FGF12: variants seen among roughly 807,000 people sequenced by gnomAD.
The protein encoded by FGF12 is fibroblast growth factor 12, also known as fibroblast growth factor 12B.
In FGF12, 14 loss-of-function variants were observed where a neutral mutation model predicts 23.6. That is an observed-to-expected ratio of 0.59 (90% CI 0.39 to 0.93). The LOEUF (loss-of-function observed/expected upper bound fraction) is 0.93. FGF12 is among the 40% of genes least tolerant of loss of function. The pLI, the probability that FGF12 is intolerant of heterozygous loss-of-function variation, is 0.00. For missense variants in FGF12, 175 were observed against 217.8 expected, an observed-to-expected ratio of 0.80 and a Z score of 1.24; for synonymous variants, 62 against 77.3, an observed-to-expected ratio of 0.80 and a Z score of 1.04.
chr3:192,578,637 C>T (rs1282312820), intron 2 of FGF12, among the ~76,000 whole-genome samples: 1 of 152,104 alleles, frequency 6.6e-6, no homozygotes, highest in Non-Finnish European at 1.5e-5. Flanking sequence ...AATAGATATT[C>T]TTCTGCTATG....
At chr3:192,359,292 C>CA (rs1460543656) in intron 3 of FGF12, among the ~76,000 whole-genome samples, 1 of 152,142 alleles carries the variant, frequency 6.6e-6, no homozygotes, top group Admixed American at 6.6e-5. Flanking sequence ...TGGACAAGGG[C>CA]ATTTTCATTC....
At chr3:192,315,800 T>C (rs1716199229) in intron 4 of FGF12, among the ~76,000 whole-genome samples, 1 of 152,170 alleles carries the variant, frequency 6.6e-6, no homozygotes, top group Admixed American at 6.5e-5. Context: ...AGCAAGGCCA[T>C]AACTCTTCAG....
intron 2 of FGF12, among the ~76,000 whole-genome samples, chr3:192,542,656 A>G (rs1050603117): frequency 6.6e-6 from 1 of 151,748 alleles, no homozygotes; most frequent in Non-Finnish European, 1.5e-5. Context: ...AAGGCTTTCC[A>G]AGCATTCAAA....
intron 2 of FGF12, among the ~76,000 whole-genome samples, chr3:192,492,691 G>A (rs756760770): frequency 2.4e-4 from 37 of 152,106 alleles, no homozygotes; most frequent in Non-Finnish European, 4.3e-4. Context: ...TTTTAGATAC[G>A]TTGATTAAAA....
chr3:192,269,849 T>TC (rs372222430), intron 4 of FGF12, among the ~76,000 whole-genome samples: 3 of 152,168 alleles, frequency 2.0e-5, no homozygotes. Context: ...CTCTTTTTTT[T>TC]CTCCTTTGAA....
At chr3:192,503,608 T>G (rs1355418876) in intron 2 of FGF12, among the ~76,000 whole-genome samples, 238 of 10,632 alleles carry the variant, frequency 0.022, 2 homozygotes, top group East Asian at 0.17. Context: ...TGTGTGTTTT[T>G]TTTTTTTTTT....
At chr3:192,640,474 A>G (rs1015265653) in intron 2 of FGF12, among the ~76,000 whole-genome samples, 1 of 152,184 alleles carries the variant, frequency 6.6e-6, no homozygotes, top group Non-Finnish European at 1.5e-5. Context: ...ACTCCAACAG[A>G]GGTAGGTTAT....
At chr3:192,337,820 A>C (rs1418310877) in intron 3 of FGF12, among the ~76,000 whole-genome samples, 1 of 152,184 alleles carries the variant, frequency 6.6e-6, no homozygotes, top group South Asian at 2.1e-4. Context: ...AAGTTACCAT[A>C]AGACTATTGT....
At chr3:192,527,785 G>A (rs187167780) in intron 2 of FGF12, among the ~76,000 whole-genome samples, 187 of 152,278 alleles carry the variant, frequency 1.2e-3, no homozygotes, top group African/African-American at 3.4e-3. Flanking sequence ...ATAGTTCCAC[G>A]TGGCTGGGGA....
At chr3:192,192,457 T>C (rs944614579) in intron 4 of FGF12, among the ~76,000 whole-genome samples, 21 of 147,936 alleles carry the variant, frequency 1.4e-4, no homozygotes, top group African/African-American at 5.1e-4. Context: ...TATATAATTA[T>C]ATTACATATA....
intron 4 of FGF12, among the ~76,000 whole-genome samples, chr3:192,226,412 TTAAAA>T (rs1182639307): frequency 1.3e-5 from 2 of 152,154 alleles, no homozygotes; most frequent in Non-Finnish European, 2.9e-5. Context: ...GCTGAGATCC[TTAAAA>T]TAAGAATAAG....
chr3:192,631,514 C>T (rs1017454375), intron 2 of FGF12, among the ~76,000 whole-genome samples: 18 of 152,234 alleles, frequency 1.2e-4, no homozygotes, highest in Admixed American at 1.0e-3. Flanking sequence ...CCTTGTACCA[C>T]ACCAGTGGGC....
intron 2 of FGF12, among the ~76,000 whole-genome samples, chr3:192,439,801 C>T (rs1199651510): frequency 6.6e-6 from 1 of 151,676 alleles, no homozygotes; most frequent in African/African-American, 2.4e-5. Context: ...ATGGTGAAAC[C>T]CCGTCTCTAC....
chr3:192,614,515 A>G lies in FGF12; in HGVS notation c.13+112666T>C, dbSNP rs182209158. Among the ~76,000 whole-genome samples, 36 of 152,098 alleles carry G rather than the reference A, an allele frequency of 2.4e-4. No homozygotes were observed. In the East Asian group the frequency reaches 5.6e-3, roughly 24 times the overall value. On this transcript the variant is annotated intron_variant, in intron 2 of 5. Transcript: ENST00000445105. ...CTATTTCATTCAAGTTAATTTATCT[A>G]GCTTTTTCTGTATTATTCTTTAAAT...
chr3:192,641,425 A>G (rs1715801310), intron 2 of FGF12, among the ~76,000 whole-genome samples: 3 of 111,430 alleles, frequency 2.7e-5, no homozygotes, highest in South Asian at 6.2e-4. Context: ...TTTTTTTGAG[A>G]CAGAGTTTCA....
intron 2 of FGF12, among the ~76,000 whole-genome samples, chr3:192,624,430 C>T (rs10937553): frequency 0.35 from 53,844 of 151,708 alleles, 10,494 homozygotes; most frequent in Non-Finnish European, 0.44. Flanking sequence ...ATAAACTAGA[C>T]AAGAAGAAGA....
chr3:192,565,704 T>C (rs1353030273), intron 2 of FGF12, among the ~76,000 whole-genome samples: 1 of 152,212 alleles, frequency 6.6e-6, no homozygotes, highest in Non-Finnish European at 1.5e-5. Context: ...CTATATGATC[T>C]AGGTTTGTGT....
chr3:192,229,922 T>C (rs986583313), intron 4 of FGF12, among the ~76,000 whole-genome samples: 4 of 152,054 alleles, frequency 2.6e-5, no homozygotes, highest in Non-Finnish European at 4.4e-5. Flanking sequence ...TTACTTTTCA[T>C]GCTTTACATA....
intron 2 of FGF12, among the ~76,000 whole-genome samples, chr3:192,455,617 G>A (rs1203269332): frequency 6.6e-6 from 1 of 152,192 alleles, no homozygotes; most frequent in South Asian, 2.1e-4. Flanking sequence ...AACATTATAT[G>A]CTAAATATAA....
Sources: gnomAD v4.1 joint callset for allele counts (sites outside exome capture counted in the v4.1 genomes callset) on GRCh38, gnomAD v4.1.1 for gene constraint, MANE v1.5 for transcripts, NCBI Gene and HGNC (gene_info 2026-07-23, HGNC 2026-07-21) for gene names.